KCNAB1: variants seen among roughly 807,000 people sequenced by gnomAD.
KCNAB1 encodes potassium voltage-gated channel subfamily A regulatory beta subunit 1.
KCNAB1 carries 35 observed loss-of-function variants against 64.6 expected under a neutral mutation model. The observed-to-expected ratio is 0.54, with a 90% CI of 0.41 to 0.72. The LOEUF is 0.72. Among genes scored for constraint, KCNAB1 ranks in the 30% least tolerant of loss-of-function variants. KCNAB1 has a pLI of 0.00. For synonymous variants in KCNAB1, 177 were observed against 183.8 expected (o/e 0.96, Z 0.30); for missense variants, 401 against 512.9 (o/e 0.78, Z 2.11).
In KCNAB1 at chr3:156,291,220, G is replaced by T. The variant is rs574447024; in HGVS notation, c.276-130396G>T. 246 of 986,184 alleles carry T rather than the reference G, an allele frequency of 2.5e-4. 1 individual carries two copies. In the African/African-American group the frequency reaches 4.1e-3, roughly 16 times the overall value. The allele number at this position is 986,184 out of a possible 1,614,324, so 61.1% of individuals were successfully genotyped here. Reference sequence around the variant, plus strand: ...TGCTCCTCCGTGCAGCTGCAAACCCGTGTCGGTGCAGGCTCAGCAACCCAG... The same window carrying T: ...TGCTCCTCCGTGCAGCTGCAAACCCTTGTCGGTGCAGGCTCAGCAACCCAG... On this transcript the variant is annotated intron_variant, in intron 1 of 13. Transcript: ENST00000490337.
chr3:156,390,461 TA>T (rs1559861135), intron 1 of KCNAB1, among the ~76,000 whole-genome samples: 1 of 152,276 alleles, frequency 6.6e-6, no homozygotes, highest in East Asian at 1.9e-4. Context: ...TTTAGAGTCT[TA>T]AAAAAAGGAG....
intron 1 of KCNAB1, among the ~76,000 whole-genome samples, chr3:156,348,299 C>T (rs750221606): frequency 3.9e-5 from 6 of 152,138 alleles, no homozygotes; most frequent in African/African-American, 7.2e-5. Flanking sequence ...GAAAGAACTT[C>T]GCTTGGATGC....
intron 7 of KCNAB1, among the ~76,000 whole-genome samples, chr3:156,468,034 A>G (rs1397088033): frequency 6.6e-6 from 1 of 152,076 alleles, no homozygotes. Context: ...CTTTGATACT[A>G]GTGATGTTCA....
intron 8 of KCNAB1, among the ~76,000 whole-genome samples, chr3:156,494,092 T>G (rs1366170755): frequency 1.3e-5 from 2 of 152,152 alleles, no homozygotes; most frequent in Non-Finnish European, 1.5e-5. Context: ...GATTCTTGCC[T>G]GAAACCAGCA....
At chr3:156,450,622 G>T (rs1363078742) in intron 2 of KCNAB1, among the ~76,000 whole-genome samples, 1 of 152,144 alleles carries the variant, frequency 6.6e-6, no homozygotes, top group Non-Finnish European at 1.5e-5. Flanking sequence ...AAACTGTGTT[G>T]TCTGTAAAAA....
At chr3:156,245,004 G>A (rs1196387887) in intron 1 of KCNAB1, among the ~76,000 whole-genome samples, 1 of 152,210 alleles carries the variant, frequency 6.6e-6, no homozygotes, top group Non-Finnish European at 1.5e-5. Context: ...AGGCAAAGGG[G>A]AGAAGCTCTA....
At position 156,452,971 on chromosome 3, in the gene KCNAB1, A is replaced by G; in HGVS notation, c.357+35A>G. On this transcript the variant is annotated intron_variant, in intron 3 of 13. Transcript: ENST00000490337. The surrounding 1 kb of genome is among the most constrained non-coding windows in gnomAD (Gnocchi z 4.6). ...CTTTGGCCTCTATTATGCTAATGAA[A>G]GAAAATGCAGAGAGAGCTGTATTGC... 2 of 1,487,322 alleles carry G rather than the reference A, an allele frequency of 1.3e-6. No individual in the cohort carries two copies. Among genetic ancestry groups the G allele is most frequent in the Non-Finnish European group, 1.9e-6 (2 of 1,072,914 alleles). The allele number at this position is 1,487,322 out of a possible 1,614,324, so 92.1% of individuals were successfully genotyped here.
chr3:156,463,412 TG>T (rs1713086702), intron 5 of KCNAB1, among the ~76,000 whole-genome samples: 1 of 152,176 alleles, frequency 6.6e-6, no homozygotes, highest in Non-Finnish European at 1.5e-5. Context: ...TATGTCGACA[TG>T]GGCTTGCTGT....
chr3:156,354,047 A>ATGTGTGTGTGTGTG (rs368761986), intron 1 of KCNAB1, among the ~76,000 whole-genome samples: 18 of 137,584 alleles, frequency 1.3e-4, no homozygotes, highest in African/African-American at 4.9e-4. Flanking sequence ...GTGTATATAT[A>ATGTGTGTGTGTGTG]TGTGTGTGTG....
intron 1 of KCNAB1, chr3:156,273,733 A>G (rs1719174342): frequency 2.2e-6 from 1 of 444,958 alleles, no homozygotes; most frequent in Non-Finnish European, 4.5e-6. Flanking sequence ...TTTTGTGTAG[A>G]TAGTTGTCAG....
chr3:156,131,195 T>C (rs1713976186), intron 1 of KCNAB1, among the ~76,000 whole-genome samples: 2 of 152,178 alleles, frequency 1.3e-5, no homozygotes, highest in African/African-American at 4.8e-5. Flanking sequence ...TTTTGCTGCA[T>C]GGGAGGAGGA....
At position 156,459,728 on chromosome 3, in the gene KCNAB1, G is replaced by A. The variant is rs67548655; in HGVS notation, c.438-99G>A. 4.2e-3 allele frequency: 3,465 copies of A among 819,018 alleles called. 14 individuals carry two copies. The highest frequency in any genetic ancestry group is 7.2e-3 in the South Asian group (428 of 59,684). 50.7% of individuals were successfully genotyped at this position (819,018 alleles called of 1,614,324 possible). Reference sequence around the variant, plus strand: ...CGGCTTCTATTTTCGGGATATGTAGGCACTGAGAGTTCAAACAAGGAATGG... The same window carrying A: ...CGGCTTCTATTTTCGGGATATGTAGACACTGAGAGTTCAAACAAGGAATGG... On this transcript the variant is annotated intron_variant, in intron 4 of 13. Coordinates refer to ENST00000490337, the MANE Select transcript of KCNAB1 (RefSeq NM_172160.3).
At chr3:156,423,655 T>C (rs2108229719) in intron 2 of KCNAB1, among the ~76,000 whole-genome samples, 1 of 152,338 alleles carries the variant, frequency 6.6e-6, no homozygotes, top group South Asian at 2.1e-4. Context: ...TAGTTATGTG[T>C]TTTTCTTCTA....
intron 1 of KCNAB1, among the ~76,000 whole-genome samples, chr3:156,122,935 C>A (rs1713435659): frequency 6.6e-6 from 1 of 152,160 alleles, no homozygotes; most frequent in South Asian, 2.1e-4. Context: ...CTGTCGAGTC[C>A]TTGAGATTCC....
At chr3:156,353,072 G>A (rs1724963519) in intron 1 of KCNAB1, among the ~76,000 whole-genome samples, 2 of 152,320 alleles carry the variant, frequency 1.3e-5, no homozygotes, top group Middle Eastern at 3.4e-3. Flanking sequence ...CATACCAAAG[G>A]AGAGAACTCT....
chr3:156,133,564 A>G (rs1027630552), intron 1 of KCNAB1, among the ~76,000 whole-genome samples: 1 of 152,246 alleles, frequency 6.6e-6, no homozygotes, highest in African/African-American at 2.4e-5. Context: ...ACCATGTTCC[A>G]GTTCTGAGGA....
Position 156,537,271 on chromosome 3 carries a change from A to G in KCNAB1, c.*524A>G. On this transcript the variant is annotated 3_prime_UTR_variant, in exon 14 of 14. Coordinates refer to ENST00000490337, the MANE Select transcript of KCNAB1 (RefSeq NM_172160.3). ...AAAAAAAGCAGTATCTTCACTCAAA[A>G]GTCTTGCTTGGAAGAATAAGCAGAA... The G allele has an allele frequency of 2.6e-6, 1 of 387,588 alleles. No individual in the cohort carries two copies. The highest frequency in any genetic ancestry group is 4.5e-6 in the Non-Finnish European group (1 of 220,218). 24.0% of individuals were successfully genotyped at this position (387,588 alleles called of 1,614,324 possible).
At chr3:156,313,522 A>G (rs1722066702) in intron 1 of KCNAB1, among the ~76,000 whole-genome samples, 1 of 152,220 alleles carries the variant, frequency 6.6e-6, no homozygotes, top group African/African-American at 2.4e-5. Flanking sequence ...GTGATGATGG[A>G]GCAGTGAGAG....
intron 1 of KCNAB1, among the ~76,000 whole-genome samples, chr3:156,410,320 G>T (rs1022571733): frequency 2.0e-5 from 3 of 152,038 alleles, no homozygotes; most frequent in African/African-American, 7.2e-5. Context: ...TTTTGTTATT[G>T]TTGTTCTTAG....
Sources: allele counts gnomAD v4.1 joint callset (sites outside exome capture counted in the v4.1 genomes callset), GRCh38; gene constraint gnomAD v4.1.1; non-coding constraint Gnocchi (gnomAD v3.1); transcripts MANE v1.5; gene names NCBI Gene and HGNC (gene_info 2026-07-23, HGNC 2026-07-21).